Variants in CBLC observed in about 807,000 individuals in gnomAD.
CBLC encodes the protein E3 ubiquitin-protein ligase CBL-C.
A neutral mutation model predicts 58.6 loss-of-function variants in CBLC; 46 were observed. The observed-to-expected ratio is 0.79, with a 90% CI of 0.62 to 1.00. CBLC has a LOEUF of 1.00. Among genes scored for constraint, CBLC ranks in the 50% least tolerant of loss-of-function variants. The probability of loss-of-function intolerance (pLI) is 0.00; values close to 1 mark genes in which losing one functional copy is unlikely to be tolerated. For synonymous variants in CBLC, 271 were observed against 264.2 expected (o/e 1.03, Z -0.25); for missense variants, 655 against 625.8 (o/e 1.05, Z -0.50).
intron 6 of CBLC, 106 bp downstream of exon 6, chr19:44,790,197 G>T: frequency 1.2e-6 from 1 of 829,038 alleles, no homozygotes; most frequent in Non-Finnish European, 2.1e-6. Flanking sequence ...GTGGCTCTGT[G>T]ACCTTGGGTA....
At chr19:44,790,169 G>A (rs975057284) in intron 6 of CBLC, 78 bp downstream of exon 6, 1 of 1,104,634 alleles carries the variant, frequency 9.1e-7, no homozygotes, top group Non-Finnish European at 1.4e-6. Context: ...AGAGGCCTGG[G>A]GTTGGAATGT....
chr19:44,789,742 G>A (rs1370470866), intron 5 of CBLC, among the ~76,000 whole-genome samples: 1 of 152,062 alleles, frequency 6.6e-6, no homozygotes, highest in African/African-American at 2.4e-5. Context: ...TCTCATCCTT[G>A]TTTCTGGAGC....
intron 9 of CBLC, among the ~76,000 whole-genome samples, chr19:44,799,641 TC>T (rs1278006175): frequency 1.3e-5 from 2 of 151,340 alleles, no homozygotes; most frequent in East Asian, 4.0e-4. Flanking sequence ...CCCTGTTTTT[TC>T]GGTTTGTTGT....
chr19:44,795,826 G>C (rs187533660), intron 9 of CBLC, among the ~76,000 whole-genome samples: 58 of 152,258 alleles, frequency 3.8e-4, no homozygotes, highest in African/African-American at 1.3e-3. Context: ...GTGCAGAACA[G>C]TGCCTAGCAC....
At chr19:44,786,200 TAG>T (rs1967901982) in intron 5 of CBLC, among the ~76,000 whole-genome samples, 5 of 151,906 alleles carry the variant, frequency 3.3e-5, no homozygotes, top group African/African-American at 1.2e-4. Context: ...CCTGAGTAGC[TAG>T]GACTACAGGT....
chr19:44,784,944 A>G (rs1967849051), intron 5 of CBLC, among the ~76,000 whole-genome samples: 1 of 115,866 alleles, frequency 8.6e-6, no homozygotes, highest in African/African-American at 3.2e-5. Context: ...AACTTGCTAG[A>G]CAGGTGTTTT....
In CBLC at chr19:44,794,269, C is replaced by T; in HGVS notation, c.1350C>T (p.Ala450=). 1.2e-6 allele frequency: 2 copies of T among 1,612,682 alleles called. No homozygotes were observed. The highest frequency in any genetic ancestry group is 1.7e-5 in the Admixed American group (1 of 59,894). ...PDLPPRKPRN[A]QPKVRLLKGN... ...TGCCCCCCAGGAAGCCCAGAAATGC[C>T]CAGCCGAAAGTGGTGAGTCAGGCGC... Residue 450 remains alanine (A), a synonymous_variant, in exon 9 of 11, where the codon GCC becomes GCT. Transcript: ENST00000647358.
At chr19:44,784,483 A>AGT in intron 5 of CBLC, 82 bp downstream of exon 5, 1 of 1,386,826 alleles carries the variant, frequency 7.2e-7, no homozygotes, top group Admixed American at 1.9e-5. Flanking sequence ...GCCGGTGGCC[A>AGT]CCACGTTTGA....
intron 6 of CBLC, among the ~76,000 whole-genome samples, chr19:44,792,129 G>A (rs1968067807): frequency 6.6e-6 from 1 of 151,780 alleles, no homozygotes; most frequent in African/African-American, 2.4e-5. Context: ...GAGTAGCTGG[G>A]ACTACAGGCA....
At chr19:44,799,147 G>A (rs1172650591) in intron 9 of CBLC, among the ~76,000 whole-genome samples, 1 of 152,176 alleles carries the variant, frequency 6.6e-6, no homozygotes, top group Non-Finnish European at 1.5e-5. Flanking sequence ...ATAGTTTTCT[G>A]TCTTGTTCAC....
Position 44,778,039 on chromosome 19 carries a change from G to C in CBLC, c.108G>C (p.Arg36=). 6.2e-7 allele frequency: 1 copy of C among 1,609,314 alleles called. No homozygotes were observed. The highest frequency in any genetic ancestry group is 8.5e-7 in the Non-Finnish European group (1 of 1,179,642). ...QRLEEQCVDP[R]LSVSPPSLRD... Reference sequence around the variant, plus strand: ...TAGAAGAGCAATGCGTCGACCCCCGGCTGTCCGTGAGTCCCCCTTCGCTGC... The same window carrying C: ...TAGAAGAGCAATGCGTCGACCCCCGCCTGTCCGTGAGTCCCCCTTCGCTGC... The change falls in exon 1 of 11, where the codon CGG becomes CGC. Residue 36 remains arginine (R), a synonymous_variant. Coordinates refer to ENST00000647358, the MANE Select transcript of CBLC (RefSeq NM_012116.4).
At chr19:44,786,802 A>C (rs1967920727) in intron 5 of CBLC, among the ~76,000 whole-genome samples, 1 of 151,610 alleles carries the variant, frequency 6.6e-6, no homozygotes. Context: ...CTTGGGGACC[A>C]TTTAAAACAG....
chr19:44,781,026 T>A lies in CBLC; in HGVS notation c.475T>A (p.Phe159Ile). Residue 159 changes from phenylalanine to isoleucine, a missense_variant, in exon 2 of 11, where the codon TTC (phenylalanine) becomes ATC (isoleucine). By Grantham distance (21) the Phe-to-Ile change is conservative. Coordinates refer to ENST00000647358, the MANE Select transcript of CBLC (RefSeq NM_012116.4). ...YQLTKAPAHT[F>I]WRESCGARCV... is the part of the protein sequence containing the mutation. Reference sequence around the variant, plus strand: ...GCTCACCAAGGCCCCCGCCCACACCTTCTGGAGGGAAAGTTGCGGAGCCCG... The same window carrying A: ...GCTCACCAAGGCCCCCGCCCACACCATCTGGAGGGAAAGTTGCGGAGCCCG... The A allele has an allele frequency of 1.2e-6, 2 of 1,613,134 alleles. No homozygotes were observed. Among genetic ancestry groups the A allele is most frequent in the Non-Finnish European group, 1.7e-6 (2 of 1,179,908 alleles).
intron 9 of CBLC, among the ~76,000 whole-genome samples, chr19:44,799,396 A>C (rs562650741): frequency 3.9e-5 from 6 of 152,234 alleles, no homozygotes; most frequent in East Asian, 1.9e-4. Context: ...GCAGTGGTGC[A>C]ATCTTGGCTT....
intron 4 of CBLC, among the ~76,000 whole-genome samples, chr19:44,783,962 G>T (rs1235229884): frequency 6.6e-6 from 1 of 152,176 alleles, no homozygotes; most frequent in Non-Finnish European, 1.5e-5. Context: ...CCATCACTGT[G>T]GTCAGGGGTC....
rs948422502 is a variant in CBLC at position 44,782,248 on chromosome 19, G to T, written c.658-122G>T. 13 of 1,397,778 alleles carry T rather than the reference G, an allele frequency of 9.3e-6. No individual in the cohort carries two copies. In the African/African-American group the frequency reaches 1.9e-4, roughly 20 times the overall value. 86.6% of individuals were successfully genotyped at this position (1,397,778 alleles called of 1,614,324 possible). ...GAAGAGCTTGGGGTCTTGTAAAAGG[G>T]ATATGCCTGAGGCCCACCATGGGTG... On this transcript the variant is annotated intron_variant, in intron 3 of 10. Coordinates refer to ENST00000647358, the MANE Select transcript of CBLC (RefSeq NM_012116.4).
intron 9 of CBLC, among the ~76,000 whole-genome samples, chr19:44,796,231 CAAAT>C (rs1328957603): frequency 2.6e-5 from 4 of 151,996 alleles, no homozygotes; most frequent in Admixed American, 6.6e-5. Context: ...AACAAACAAA[CAAAT>C]GAATGTTCCT....
intron 9 of CBLC, among the ~76,000 whole-genome samples, chr19:44,794,869 C>T (rs1206904015): frequency 1.3e-5 from 2 of 151,964 alleles, no homozygotes; most frequent in Admixed American, 6.6e-5. Flanking sequence ...GGCTTGCTTT[C>T]CCATCCCTTT....
chr19:44,787,550 C>T (rs575145276), intron 5 of CBLC, among the ~76,000 whole-genome samples: 1 of 150,550 alleles, frequency 6.6e-6, no homozygotes, highest in South Asian at 2.2e-4. Flanking sequence ...TACACGGTGG[C>T]TCACACGTGT....
Sources: gnomAD v4.1 joint callset for allele counts (sites outside exome capture counted in the v4.1 genomes callset) on GRCh38, gnomAD v4.1.1 for gene constraint, MANE v1.5 for transcripts, NCBI Gene and HGNC (gene_info 2026-07-23, HGNC 2026-07-21) for gene names.